Variants in CDK14 observed in about 807,000 individuals in gnomAD.
CDK14 encodes cyclin-dependent kinase 14.
Under a neutral mutation model 60.7 loss-of-function variants are expected in CDK14, and 34 were observed. The observed-to-expected ratio is 0.56, with a 90% CI of 0.43 to 0.75. CDK14 has a LOEUF of 0.75. CDK14 is among the 30% of genes least tolerant of loss of function. CDK14 has a pLI of 0.00. For missense variants in CDK14, 482 were observed against 564.1 expected, an observed-to-expected ratio of 0.85 and a Z score of 1.47; for synonymous variants, 197 against 203.7, an observed-to-expected ratio of 0.97 and a Z score of 0.28.
intron 8 of CDK14, among the ~76,000 whole-genome samples, chr7:90,918,194 G>T (rs570815944): frequency 1.3e-4 from 20 of 152,284 alleles, no homozygotes; most frequent in Non-Finnish European, 2.2e-4. Context: ...TTTTCAGAGG[G>T]TTGCAGGAGA....
chr7:90,645,818 A>G (rs1235169240), intron 2 of CDK14, among the ~76,000 whole-genome samples: 1 of 152,246 alleles, frequency 6.6e-6, no homozygotes, highest in African/African-American at 2.4e-5. Context: ...AAAAAGAGAA[A>G]AAAGAACGTT....
chr7:91,122,093 C>G (rs974133675), intron 14 of CDK14, among the ~76,000 whole-genome samples: 15 of 152,158 alleles, frequency 9.9e-5, no homozygotes, highest in African/African-American at 3.6e-4. Context: ...TATGGAATAT[C>G]TCTTTTCAAT....
intron 10 of CDK14, among the ~76,000 whole-genome samples, chr7:91,031,363 G>A (rs1026583864): frequency 2.6e-5 from 4 of 151,676 alleles, no homozygotes; most frequent in South Asian, 2.1e-4. Context: ...ATTCCCTTTC[G>A]ATAATCGTCA....
chr7:91,101,655 G>T (rs1799148552), intron 12 of CDK14, among the ~76,000 whole-genome samples: 1 of 152,084 alleles, frequency 6.6e-6, no homozygotes, highest in Non-Finnish European at 1.5e-5. Flanking sequence ...CATTATTAAT[G>T]TAACTACGAG....
intron 2 of CDK14, among the ~76,000 whole-genome samples, chr7:90,645,183 CATT>C (rs1277387474): frequency 6.6e-6 from 1 of 152,102 alleles, no homozygotes; most frequent in African/African-American, 2.4e-5. Context: ...ATATTTTACA[CATT>C]ATTGTAGTTG....
intron 10 of CDK14, among the ~76,000 whole-genome samples, chr7:91,015,370 C>T (rs1486012872): frequency 6.6e-6 from 1 of 152,106 alleles, no homozygotes; most frequent in Non-Finnish European, 1.5e-5. Flanking sequence ...AATTACTCTT[C>T]ACTGGCAATT....
intron 12 of CDK14, among the ~76,000 whole-genome samples, chr7:91,084,697 G>A (rs1159282233): frequency 2.6e-5 from 4 of 152,162 alleles, no homozygotes; most frequent in East Asian, 1.9e-4. Context: ...TGTTGGACAC[G>A]CGTTTTTTGA....
At chr7:91,164,377 C>A (rs1257427447) in intron 14 of CDK14, among the ~76,000 whole-genome samples, 1 of 152,182 alleles carries the variant, frequency 6.6e-6, no homozygotes, top group African/African-American at 2.4e-5. Context: ...TAAATCCTTA[C>A]AACAACCCGA....
At chr7:91,009,465 G>A (rs1025382334) in intron 10 of CDK14, among the ~76,000 whole-genome samples, 27 of 152,074 alleles carry the variant, frequency 1.8e-4, no homozygotes, top group Admixed American at 5.2e-4. Context: ...TTCCAGTGTT[G>A]CCATACCATT....
At chr7:90,672,847 A>T (rs530795998) in intron 2 of CDK14, among the ~76,000 whole-genome samples, 137 of 151,970 alleles carry the variant, frequency 9.0e-4, no homozygotes, top group African/African-American at 3.1e-3. Context: ...TATCTAGTTG[A>T]TGGGCATTTG....
At chr7:91,175,030 G>A (rs1005516858) in intron 14 of CDK14, among the ~76,000 whole-genome samples, 2 of 144,322 alleles carry the variant, frequency 1.4e-5, no homozygotes, top group Non-Finnish European at 3.0e-5. Flanking sequence ...TTGAAATGAA[G>A]GAAAAAATGT....
rs138107428 is a variant in CDK14 at position 91,066,716 on chromosome 7, G to T, written c.1106-12716G>T. Among the ~76,000 whole-genome samples, 28 of 152,294 alleles carry T rather than the reference G, an allele frequency of 1.8e-4. 1 individual carries two copies. The East Asian group carries it at 4.8e-3, about 26-fold the overall frequency. ...TTACAATATGCAGCATTGTTCTCCA[G>T]TTGTTTTCCTGTGGAATGTCAACGA... On this transcript the variant is annotated intron_variant, in intron 11 of 14. Transcript: ENST00000380050.
At chr7:91,070,196 T>A (rs1043215761) in intron 11 of CDK14, among the ~76,000 whole-genome samples, 51 of 152,220 alleles carry the variant, frequency 3.4e-4, no homozygotes, top group African/African-American at 1.2e-3. Context: ...TCTCCTTGTT[T>A]GCTTTGCTAG....
chr7:90,665,600 G>T lies in CDK14; in HGVS notation c.124-60967G>T, dbSNP rs564885701. On this transcript the variant is annotated intron_variant, in intron 2 of 14. Transcript: ENST00000380050. Reference sequence around the variant, plus strand: ...GATAGAGTAGCTTTTAAGTAATGAGGGGAAGTTCTTTCAGGTGGTAGCAGA... The same window carrying T: ...GATAGAGTAGCTTTTAAGTAATGAGTGGAAGTTCTTTCAGGTGGTAGCAGA... Among the ~76,000 whole-genome samples the T allele has an allele frequency of 7.4e-4, 112 of 152,264 alleles. 1 individual carries two copies. The highest frequency in any genetic ancestry group is 2.6e-3 in the African/African-American group (107 of 41,550).
At chr7:90,744,340 TC>T (rs1803483264) in intron 3 of CDK14, among the ~76,000 whole-genome samples, 3 of 152,100 alleles carry the variant, frequency 2.0e-5, no homozygotes, top group Admixed American at 2.0e-4. Flanking sequence ...AGGTCACAGA[TC>T]AACAGGATCC....
At position 91,011,380 on chromosome 7, in the gene CDK14, C is replaced by G. The variant is rs567186946; in HGVS notation, c.1041+27139C>G. ...GAAGAAACTGCTTTAAAGATATTCT[C>G]TTTATCACTGGTTTTAAGCAATTTA... On this transcript the variant is annotated intron_variant, in intron 10 of 14. Transcript: ENST00000380050. Among the ~76,000 whole-genome samples the G allele has an allele frequency of 2.6e-5, 4 of 152,212 alleles. No individual in the cohort carries two copies. In the East Asian group the frequency reaches 7.7e-4, roughly 29 times the overall value.
At chr7:90,617,309 C>G (rs892880972) in intron 2 of CDK14, among the ~76,000 whole-genome samples, 2 of 151,984 alleles carry the variant, frequency 1.3e-5, no homozygotes, top group African/African-American at 4.8e-5. Flanking sequence ...CCTAGTCTCT[C>G]TGCATCCAAA....
chr7:90,601,844 C>T (rs1166796182), intron 1 of CDK14, among the ~76,000 whole-genome samples: 1 of 152,116 alleles, frequency 6.6e-6, no homozygotes. Context: ...CCTCTGCCTC[C>T]CAGGCTCAAG....
chr7:91,059,148 T>G (rs1016630285), intron 11 of CDK14, among the ~76,000 whole-genome samples: 4 of 152,148 alleles, frequency 2.6e-5, no homozygotes, highest in Non-Finnish European at 4.4e-5. Flanking sequence ...TGTGTGTGTC[T>G]AGGAATTTAT....
Sources: allele counts gnomAD v4.1 joint callset (sites outside exome capture counted in the v4.1 genomes callset), GRCh38; gene constraint gnomAD v4.1.1; transcripts MANE v1.5; gene names NCBI Gene and HGNC (gene_info 2026-07-23, HGNC 2026-07-21).